The following TMEM108 variants were observed in gnomAD, a reference collection of about 807,000 sequenced individuals.
The protein encoded by TMEM108 is cancer/testis antigen 124.
A neutral mutation model predicts 35.1 loss-of-function variants in TMEM108; 12 were observed. That is an observed-to-expected ratio of 0.34 (90% CI 0.22 to 0.55). The LOEUF is 0.55. Among genes scored for constraint, TMEM108 ranks in the 20% least tolerant of loss-of-function variants. The pLI, the probability that TMEM108 is intolerant of heterozygous loss-of-function variation, is 0.89. For missense variants in TMEM108, 680 were observed against 753.3 expected, an observed-to-expected ratio of 0.90 and a Z score of 1.14; for synonymous variants, 287 against 308.6, an observed-to-expected ratio of 0.93 and a Z score of 0.73.
At chr3:133,211,154 C>T (rs1033023192) in intron 2 of TMEM108, among the ~76,000 whole-genome samples, 6 of 152,142 alleles carry the variant, frequency 3.9e-5, no homozygotes, top group Non-Finnish European at 5.9e-5. Flanking sequence ...AATAATTTCA[C>T]ATGCTGAAGT....
At chr3:133,284,972 T>A (rs1946964582) in intron 3 of TMEM108, among the ~76,000 whole-genome samples, 1 of 152,204 alleles carries the variant, frequency 6.6e-6, no homozygotes, top group Admixed American at 6.5e-5. Flanking sequence ...CGCTTTCTTA[T>A]TTATTTGTTC....
intron 2 of TMEM108, among the ~76,000 whole-genome samples, chr3:133,202,377 G>A (rs966681702): frequency 1.1e-4 from 16 of 152,176 alleles, no homozygotes; most frequent in Non-Finnish European, 2.1e-4. Flanking sequence ...CCATGCCTAT[G>A]TCCTGAATGG....
At chr3:133,266,019 G>T (rs987188713) in intron 3 of TMEM108, among the ~76,000 whole-genome samples, 12 of 152,108 alleles carry the variant, frequency 7.9e-5, no homozygotes, top group African/African-American at 2.7e-4. Flanking sequence ...AAACTTATAT[G>T]CTACTCCTTG....
At chr3:133,260,979 A>T (rs1029404759) in intron 3 of TMEM108, among the ~76,000 whole-genome samples, 1 of 152,186 alleles carries the variant, frequency 6.6e-6, no homozygotes, top group African/African-American at 2.4e-5. Context: ...TCCTAACCAG[A>T]TAGGTTTTAG....
chr3:133,317,057 G>A (rs2071208897), intron 3 of TMEM108, among the ~76,000 whole-genome samples: 1 of 148,704 alleles, frequency 6.7e-6, no homozygotes, highest in African/African-American at 2.4e-5. Flanking sequence ...AGATACCTTT[G>A]TGCTTGTCAA....
intron 2 of TMEM108, chr3:133,119,624 C>G (rs1443369585): frequency 6.6e-6 from 1 of 152,166 alleles, no homozygotes; most frequent in African/African-American, 2.4e-5. Context: ...GGGCCATTTT[C>G]AAATGCCTTA....
At chr3:133,092,302 C>T (rs1943957194) in intron 2 of TMEM108, among the ~76,000 whole-genome samples, 1 of 152,152 alleles carries the variant, frequency 6.6e-6, no homozygotes. Context: ...GTTGGTATAC[C>T]CAGAGTGATG....
chr3:133,060,091 C>T (rs1943518699), intron 2 of TMEM108, among the ~76,000 whole-genome samples: 1 of 152,016 alleles, frequency 6.6e-6, no homozygotes, highest in African/African-American at 2.4e-5. Context: ...TTTCTTCATC[C>T]CTTTTGTGCC....
chr3:133,365,676 G>T (rs1416511377), intron 3 of TMEM108, among the ~76,000 whole-genome samples: 1 of 152,202 alleles, frequency 6.6e-6, no homozygotes, highest in South Asian at 2.1e-4. Flanking sequence ...TTAGCCTGGA[G>T]ATAAGAGCCT....
intron 2 of TMEM108, among the ~76,000 whole-genome samples, chr3:133,136,527 T>C (rs1330634601): frequency 6.6e-6 from 1 of 152,220 alleles, no homozygotes; most frequent in Non-Finnish European, 1.5e-5. Flanking sequence ...TTCTGTGACT[T>C]ATTATTTACT....
intron 2 of TMEM108, among the ~76,000 whole-genome samples, chr3:133,177,596 G>C (rs1272693125): frequency 6.6e-6 from 1 of 152,150 alleles, no homozygotes; most frequent in Admixed American, 6.5e-5. Context: ...TGCAGAAAAG[G>C]CCTTAGACAA....
intron 2 of TMEM108, among the ~76,000 whole-genome samples, chr3:133,115,095 A>G (rs1215362049): frequency 2.0e-5 from 3 of 152,204 alleles, no homozygotes; most frequent in African/African-American, 7.2e-5. Flanking sequence ...AATCTTGAAT[A>G]TTTATCTTTC....
chr3:133,215,059 C>T (rs147620850), intron 2 of TMEM108, among the ~76,000 whole-genome samples: 1 of 152,228 alleles, frequency 6.6e-6, no homozygotes, highest in African/African-American at 2.4e-5. Context: ...AACCATTTCT[C>T]ATAAGAGAAA....
intron 3 of TMEM108, among the ~76,000 whole-genome samples, chr3:133,376,076 G>A (rs2072828979): frequency 6.6e-6 from 1 of 152,348 alleles, no homozygotes; most frequent in South Asian, 2.1e-4. Flanking sequence ...GCTGATAGCT[G>A]AGTGGGGGAA....
chr3:133,070,828 C>T (rs941498707), intron 2 of TMEM108, among the ~76,000 whole-genome samples: 19 of 151,626 alleles, frequency 1.3e-4, no homozygotes, highest in Non-Finnish European at 2.2e-4. Context: ...AAAAAAGAAT[C>T]GCATTCTGAG....
intron 3 of TMEM108, among the ~76,000 whole-genome samples, chr3:133,250,433 G>A (rs2107667681): frequency 6.6e-6 from 1 of 152,230 alleles, no homozygotes; most frequent in East Asian, 1.9e-4. Flanking sequence ...TAAGAATACA[G>A]TATATATAAC....
chr3:133,338,139 T>C (rs73207729), intron 3 of TMEM108, among the ~76,000 whole-genome samples: 3,336 of 152,180 alleles, frequency 0.022, 56 homozygotes, highest in Non-Finnish European at 0.036. Context: ...GTAGAAAGTT[T>C]ATTGAAAGGG....
At chr3:133,116,961 G>T (rs1429520895) in intron 2 of TMEM108, among the ~76,000 whole-genome samples, 1 of 152,042 alleles carries the variant, frequency 6.6e-6, no homozygotes, top group Non-Finnish European at 1.5e-5. Context: ...GTAGAGATGG[G>T]GTTTCACCAT....
intron 2 of TMEM108, among the ~76,000 whole-genome samples, chr3:133,159,309 C>T (rs1198743348): frequency 6.6e-6 from 1 of 152,198 alleles, no homozygotes; most frequent in Non-Finnish European, 1.5e-5. Context: ...TTAGGTAAGT[C>T]TCCATGGCCC....
Sources: gnomAD v4.1 joint callset for allele counts (sites outside exome capture counted in the v4.1 genomes callset) on GRCh38, gnomAD v4.1.1 for gene constraint, MANE v1.5 for transcripts, NCBI Gene and HGNC (gene_info 2026-07-23, HGNC 2026-07-21) for gene names.